LRMDA: variants seen among roughly 807,000 people sequenced by gnomAD.
The protein encoded by LRMDA is leucine rich melanocyte differentiation associated, also known as leucine-rich melanocyte differentiation-associated protein.
LRMDA carries 18 observed loss-of-function variants against 29.8 expected under a neutral mutation model. The observed-to-expected ratio is 0.60, with a 90% CI of 0.42 to 0.90. The LOEUF is 0.90. Among genes scored for constraint, LRMDA ranks in the 40% least tolerant of loss-of-function variants. LRMDA has a pLI of 0.00. For synonymous variants in LRMDA, 125 were observed against 109.4 expected, an observed-to-expected ratio of 1.14 and a Z score of -0.89; for missense variants, 273 against 273.9, an observed-to-expected ratio of 1.00 and a Z score of 0.02.
chr10:75,904,626 G>A (rs568789348), intron 2 of LRMDA, among the ~76,000 whole-genome samples: 1 of 152,242 alleles, frequency 6.6e-6, no homozygotes, highest in African/African-American at 2.4e-5. Context: ...TCACAGCGAG[G>A]GAATTGTTTG....
At chr10:76,483,455 G>T (rs939902577) in intron 6 of LRMDA, among the ~76,000 whole-genome samples, 1 of 151,816 alleles carries the variant, frequency 6.6e-6, no homozygotes, top group Non-Finnish European at 1.5e-5. Flanking sequence ...GCTACACGGG[G>T]CAGCTTATGG....
chr10:75,886,466 C>G (rs953010958), intron 2 of LRMDA, among the ~76,000 whole-genome samples: 2 of 152,122 alleles, frequency 1.3e-5, no homozygotes, highest in Admixed American at 1.3e-4. Flanking sequence ...GTTTTGTAGC[C>G]TAGCAGTCAT....
chr10:76,424,530 C>T (rs1842103940), intron 6 of LRMDA, among the ~76,000 whole-genome samples: 1 of 152,064 alleles, frequency 6.6e-6, no homozygotes, highest in African/African-American at 2.4e-5. Flanking sequence ...CAGAGCAAGA[C>T]TCCATCTCAA....
At chr10:75,810,597 T>C (rs903124549) in intron 2 of LRMDA, among the ~76,000 whole-genome samples, 31 of 152,326 alleles carry the variant, frequency 2.0e-4, no homozygotes, top group Non-Finnish European at 3.8e-4. Flanking sequence ...TTCACACAAC[T>C]TGTTCTGATA....
At chr10:75,812,683 T>C (rs571322706) in intron 2 of LRMDA, among the ~76,000 whole-genome samples, 2 of 152,332 alleles carry the variant, frequency 1.3e-5, no homozygotes, top group South Asian at 4.1e-4. Flanking sequence ...CCATATTTTG[T>C]CTGTTTCCAT....
intron 2 of LRMDA, among the ~76,000 whole-genome samples, chr10:75,795,979 T>TA (rs888529396): frequency 1.3e-5 from 2 of 152,172 alleles, no homozygotes; most frequent in African/African-American, 4.8e-5. Context: ...TAAATTGAAT[T>TA]AAAAAAATCA....
At chr10:75,910,282 T>C (rs1845822256) in intron 2 of LRMDA, among the ~76,000 whole-genome samples, 1 of 152,190 alleles carries the variant, frequency 6.6e-6, no homozygotes. Flanking sequence ...TGGAATAACA[T>C]CAAGTTGATG....
chr10:76,204,413 T>C (rs1262684888), intron 5 of LRMDA, among the ~76,000 whole-genome samples: 2 of 152,260 alleles, frequency 1.3e-5, no homozygotes, highest in African/African-American at 4.8e-5. Flanking sequence ...CATCTCTCCA[T>C]GTGCCCATTC....
At chr10:75,672,516 TTTTCTTTTCC>T (rs1157620181) in intron 2 of LRMDA, among the ~76,000 whole-genome samples, 25 of 40,750 alleles carry the variant, frequency 6.1e-4, no homozygotes, top group East Asian at 3.7e-3. Context: ...TGTATTTTTC[TTTTCTTTTCC>T]TCCCCTCCCC....
At chr10:76,262,947 A>G (rs1157864056) in intron 5 of LRMDA, among the ~76,000 whole-genome samples, 1 of 152,228 alleles carries the variant, frequency 6.6e-6, no homozygotes, top group Non-Finnish European at 1.5e-5. Context: ...TACAGAATAT[A>G]TATGTTATGT....
At chr10:75,797,029 G>A (rs1364934992) in intron 2 of LRMDA, among the ~76,000 whole-genome samples, 4 of 152,148 alleles carry the variant, frequency 2.6e-5, no homozygotes, top group Non-Finnish European at 5.9e-5. Flanking sequence ...CTCTGAAAGA[G>A]TTTGTGTAAT....
chr10:75,944,028 A>G (rs190456432), intron 2 of LRMDA, among the ~76,000 whole-genome samples: 5 of 152,326 alleles, frequency 3.3e-5, no homozygotes, highest in African/African-American at 1.2e-4. Flanking sequence ...TTTTTGTAGA[A>G]GAGAAATTTC....
intron 2 of LRMDA, among the ~76,000 whole-genome samples, chr10:75,682,580 A>C (rs1049368519): frequency 6.6e-6 from 1 of 152,164 alleles, no homozygotes; most frequent in Non-Finnish European, 1.5e-5. Context: ...TTATTTACTT[A>C]ATAGACCTGA....
chr10:75,485,688 C>G (rs1844904811), intron 2 of LRMDA, among the ~76,000 whole-genome samples: 1 of 152,066 alleles, frequency 6.6e-6, no homozygotes, highest in Non-Finnish European at 1.5e-5. Flanking sequence ...AGCGATTCTC[C>G]TGCCTGAGCC....
At chr10:76,417,521 A>G (rs113400422) in intron 6 of LRMDA, among the ~76,000 whole-genome samples, 1 of 151,716 alleles carries the variant, frequency 6.6e-6, no homozygotes, top group South Asian at 2.1e-4. Flanking sequence ...AAACTCTCTC[A>G]TATCGCACCC....
At chr10:76,316,276 A>C (rs1021267525) in intron 5 of LRMDA, among the ~76,000 whole-genome samples, 1 of 152,100 alleles carries the variant, frequency 6.6e-6, no homozygotes, top group East Asian at 1.9e-4. Flanking sequence ...CCTGGTGCCC[A>C]TGGTGGAAGC....
chr10:75,438,878 T>A (rs1844293435), intron 2 of LRMDA, among the ~76,000 whole-genome samples: 2 of 152,196 alleles, frequency 1.3e-5, no homozygotes, highest in Non-Finnish European at 2.9e-5. Flanking sequence ...AGGTGTGCTT[T>A]CTTAGGATAA....
chr10:75,584,826 A>G (rs1458131981), intron 2 of LRMDA, among the ~76,000 whole-genome samples: 2 of 152,156 alleles, frequency 1.3e-5, no homozygotes, highest in Non-Finnish European at 2.9e-5. Context: ...TTTTGATTCC[A>G]TTATTAACAA....
At chr10:75,506,406 C>T (rs1564788006) in intron 2 of LRMDA, among the ~76,000 whole-genome samples, 1 of 152,168 alleles carries the variant, frequency 6.6e-6, no homozygotes, top group African/African-American at 2.4e-5. Context: ...ACAGTTCTGC[C>T]TTTTTACCCT....
Sources: gnomAD v4.1 joint callset for allele counts (sites outside exome capture counted in the v4.1 genomes callset) on GRCh38, gnomAD v4.1.1 for gene constraint, MANE v1.5 for transcripts, NCBI Gene and HGNC (gene_info 2026-07-23, HGNC 2026-07-21) for gene names.